KCNH7: variants seen among roughly 807,000 people sequenced by gnomAD.
The protein encoded by KCNH7 is potassium voltage-gated channel subfamily H member 7, also known as voltage-gated inwardly rectifying potassium channel KCNH7.
KCNH7 carries 49 observed loss-of-function variants against 120.8 expected under a neutral mutation model. The ratio of observed to expected loss-of-function variants is 0.41; its 90% CI spans 0.32 to 0.51. The LOEUF is 0.51. KCNH7 is among the 20% of genes least tolerant of loss of function. KCNH7 has a pLI of 0.38. For synonymous variants in KCNH7, 547 were observed against 516.1 expected (o/e 1.06, Z -0.81); for missense variants, 1,097 against 1,446.6 (o/e 0.76, Z 3.92).
chr2:162,500,215 TATA>T (rs1690632004), intron 6 of KCNH7, among the ~76,000 whole-genome samples: 1 of 147,840 alleles, frequency 6.8e-6, no homozygotes, highest in Admixed American at 6.8e-5. Context: ...TTATATACAA[TATA>T]ATATATAATA....
intron 7 of KCNH7, among the ~76,000 whole-genome samples, chr2:162,440,770 T>C (rs1455126380): frequency 6.6e-6 from 1 of 152,106 alleles, no homozygotes; most frequent in African/African-American, 2.4e-5. Flanking sequence ...TATTTTTGTT[T>C]TGTTTTATAA....
chr2:162,667,022 T>A (rs895933077), intron 2 of KCNH7, among the ~76,000 whole-genome samples: 1 of 120,846 alleles, frequency 8.3e-6, no homozygotes, highest in Non-Finnish European at 1.5e-5. Flanking sequence ...CTTTTTCTTT[T>A]TTTTTTTTTT....
intron 2 of KCNH7, among the ~76,000 whole-genome samples, chr2:162,571,776 A>T (rs1693485924): frequency 6.9e-6 from 1 of 144,516 alleles, no homozygotes; most frequent in Admixed American, 7.2e-5. Flanking sequence ...GACAAACCTG[A>T]GAAAAACAAG....
intron 2 of KCNH7, among the ~76,000 whole-genome samples, chr2:162,680,041 T>C (rs897956102): frequency 8.6e-5 from 13 of 151,838 alleles, no homozygotes; most frequent in African/African-American, 3.1e-4. Context: ...ATGTGACTAA[T>C]TTATGTTCTG....
At chr2:162,711,997 T>C (rs893007351) in intron 2 of KCNH7, among the ~76,000 whole-genome samples, 1 of 152,190 alleles carries the variant, frequency 6.6e-6, no homozygotes, top group Non-Finnish European at 1.5e-5. Context: ...TTTTTCATTG[T>C]TATGCGCTTA....
intron 13 of KCNH7, 21 bp downstream of exon 13, chr2:162,384,667 T>A (rs1294208966): frequency 6.2e-7 from 1 of 1,609,940 alleles, no homozygotes; most frequent in South Asian, 1.1e-5. Flanking sequence ...AGAGACCACC[T>A]GATGTCTAAC....
chr2:162,766,146 T>G (rs1376272618), intron 2 of KCNH7, among the ~76,000 whole-genome samples: 3 of 152,218 alleles, frequency 2.0e-5, no homozygotes, highest in African/African-American at 7.2e-5. Flanking sequence ...TTTGCTTTCC[T>G]GTATACTTCA....
chr2:162,804,163 C>T (rs973049835), intron 2 of KCNH7, among the ~76,000 whole-genome samples: 1 of 151,788 alleles, frequency 6.6e-6, no homozygotes, highest in Non-Finnish European at 1.5e-5. Context: ...TAAGCATTCT[C>T]CCTAAGAACA....
At chr2:162,393,728 C>A (rs1221851410) in intron 12 of KCNH7, among the ~76,000 whole-genome samples, 1 of 151,866 alleles carries the variant, frequency 6.6e-6, no homozygotes, top group African/African-American at 2.4e-5. Context: ...CTGCCAAGAA[C>A]AATTAAATGT....
chr2:162,595,785 T>C (rs1205875862), intron 2 of KCNH7, among the ~76,000 whole-genome samples: 1 of 151,984 alleles, frequency 6.6e-6, no homozygotes, highest in Non-Finnish European at 1.5e-5. Flanking sequence ...TTATCTCTGT[T>C]TGCCAATGTT....
intron 2 of KCNH7, among the ~76,000 whole-genome samples, chr2:162,554,385 G>GA (rs1420015723): frequency 1.3e-5 from 2 of 151,844 alleles, no homozygotes; most frequent in East Asian, 3.9e-4. Context: ...TAATAAAGGT[G>GA]AAAATTTGCC....
chr2:162,813,770 T>TC (rs1684816209), intron 2 of KCNH7, among the ~76,000 whole-genome samples: 1 of 152,202 alleles, frequency 6.6e-6, no homozygotes, highest in Non-Finnish European at 1.5e-5. Context: ...AGAAATGAGT[T>TC]CCAGTGAATT....
rs368927581 is a variant in KCNH7 at position 162,525,293 on chromosome 2, G to C, written c.464-7135C>G. Among the ~76,000 whole-genome samples the C allele has an allele frequency of 6.6e-5, 10 of 152,096 alleles. No individual in the cohort carries two copies. In the East Asian group the frequency reaches 1.8e-3, roughly 27 times the overall value. On this transcript the variant is annotated intron_variant, in intron 3 of 15. Coordinates refer to ENST00000332142, the MANE Select transcript of KCNH7 (RefSeq NM_033272.4). ...AAGTCAGTGCTGTAGCAAGGCTTGAGAACAATTACAGGAGCTGCAGCAGCA... is the reference window on the plus strand; with the variant it reads ...AAGTCAGTGCTGTAGCAAGGCTTGACAACAATTACAGGAGCTGCAGCAGCA...
intron 2 of KCNH7, among the ~76,000 whole-genome samples, chr2:162,542,601 C>T (rs962854631): frequency 2.8e-4 from 42 of 151,888 alleles, no homozygotes; most frequent in Admixed American, 2.5e-3. Flanking sequence ...TATGGCTGCA[C>T]AATATTCCAT....
chr2:162,659,193 AATGCTTTCTCTGT>A lies in KCNH7; in HGVS notation c.308-122126_308-122114del, dbSNP rs544463095. Among the ~76,000 whole-genome samples, 450 of 152,248 alleles carry A rather than the reference AATGCTTTCTCTGT, an allele frequency of 3.0e-3. 2 individuals are homozygous for A. The highest frequency in any genetic ancestry group is 0.01 in the African/African-American group (432 of 41,542). On this transcript the variant is annotated intron_variant, in intron 2 of 15. Transcript: ENST00000332142. ...CATGAGCAAGTGATAGATTTTTACAAATGCTTTCTCTGTATCTGTTGATTTGATCATTTAACTT... is the reference window on the plus strand; with the variant it reads ...CATGAGCAAGTGATAGATTTTTACAAATCTGTTGATTTGATCATTTAACTT...
chr2:162,510,041 T>G (rs147062912), intron 5 of KCNH7, among the ~76,000 whole-genome samples: 27 of 151,766 alleles, frequency 1.8e-4, no homozygotes, highest in African/African-American at 5.8e-4. Flanking sequence ...TAAAAATTAA[T>G]ATATGAGTGA....
chr2:162,540,128 A>G (rs1443918356), intron 2 of KCNH7, among the ~76,000 whole-genome samples: 1 of 152,122 alleles, frequency 6.6e-6, no homozygotes, highest in Admixed American at 6.6e-5. Context: ...TGGAAATAAG[A>G]CTTCTAAACA....
intron 9 of KCNH7, among the ~76,000 whole-genome samples, chr2:162,407,027 A>G (rs1687248192): frequency 6.6e-6 from 1 of 152,032 alleles, no homozygotes; most frequent in Admixed American, 6.6e-5. Context: ...TTGTTTCATC[A>G]TCTAATTTCT....
At chr2:162,582,478 A>C (rs750812852) in intron 2 of KCNH7, among the ~76,000 whole-genome samples, 6 of 152,072 alleles carry the variant, frequency 3.9e-5, no homozygotes, top group African/African-American at 1.2e-4. Context: ...GACTCGGTTG[A>C]GACTTTCTGC....
Sources: allele counts gnomAD v4.1 joint callset (sites outside exome capture counted in the v4.1 genomes callset), GRCh38; gene constraint gnomAD v4.1.1; transcripts MANE v1.5; gene names NCBI Gene and HGNC (gene_info 2026-07-23, HGNC 2026-07-21).